DDAH1: variants seen among roughly 807,000 people sequenced by gnomAD.
DDAH1 encodes the protein N(G),N(G)-dimethylarginine dimethylaminohydrolase 1.
DDAH1 carries 19 observed loss-of-function variants against 28.8 expected under a neutral mutation model. The ratio of observed to expected loss-of-function variants is 0.66; its 90% CI spans 0.46 to 0.97. DDAH1 has a LOEUF of 0.97. Ranked by LOEUF, DDAH1 falls within the 50% of genes least tolerant of loss-of-function variation. The probability of loss-of-function intolerance (pLI) is 0.00; values close to 1 mark genes in which losing one functional copy is unlikely to be tolerated. For synonymous variants in DDAH1, 153 were observed against 154.4 expected (o/e 0.99, Z 0.07); for missense variants, 326 against 375.9 (o/e 0.87, Z 1.10).
intron 2 of DDAH1, among the ~76,000 whole-genome samples, chr1:85,481,518 T>C (rs1437236767): frequency 1.3e-5 from 2 of 152,254 alleles, no homozygotes; most frequent in Non-Finnish European, 2.9e-5. Context: ...ACTACCCATG[T>C]GAATGATATC....
chr1:85,561,164 G>T (rs1659129467), intron 1 of DDAH1, among the ~76,000 whole-genome samples: 1 of 152,020 alleles, frequency 6.6e-6, no homozygotes, highest in Non-Finnish European at 1.5e-5. Flanking sequence ...CTGTGAGCAT[G>T]TTACTTCATA....
chr1:85,406,474 A>G (rs1474531665), intron 1 of DDAH1, among the ~76,000 whole-genome samples: 2 of 152,226 alleles, frequency 1.3e-5, no homozygotes, highest in Non-Finnish European at 2.9e-5. Flanking sequence ...TGAAATCATC[A>G]TGAAGTCCAA....
rs372636445 is a variant in DDAH1, at chr1:85,372,354, G to A, written c.304-13507C>T. Among the ~76,000 whole-genome samples, 21 of 152,156 alleles carry A rather than the reference G, an allele frequency of 1.4e-4. No individual in the cohort carries two copies. The East Asian group carries it at 1.7e-3, about 13-fold the overall frequency. On this transcript the variant is annotated intron_variant, in intron 1 of 5. Transcript: ENST00000284031. ...TTGTCCTAGGTTTTGATAACTGTCC[G>A]TGTTCTAACATTGTGTTAAAAAATA... is the stretch of plus-strand genomic sequence containing the variant.
At chr1:85,420,344 C>A (rs1359551823) in intron 1 of DDAH1, among the ~76,000 whole-genome samples, 3 of 152,216 alleles carry the variant, frequency 2.0e-5, no homozygotes, top group Non-Finnish European at 4.4e-5. Context: ...TGCAAATTTT[C>A]CAAACTCTTA....
At chr1:85,333,572 A>T (rs2100806196) in intron 4 of DDAH1, among the ~76,000 whole-genome samples, 1 of 152,288 alleles carries the variant, frequency 6.6e-6, no homozygotes, top group Non-Finnish European at 1.5e-5. Flanking sequence ...GATAAACAAT[A>T]AAAAGAAATT....
At chr1:85,326,530 GC>G (rs1647406376) in intron 4 of DDAH1, among the ~76,000 whole-genome samples, 1 of 152,146 alleles carries the variant, frequency 6.6e-6, no homozygotes, top group Admixed American at 6.5e-5. Context: ...CCAGATCTGT[GC>G]AACTCAAAAC....
At chr1:85,555,332 A>T (rs1658929733) in intron 1 of DDAH1, among the ~76,000 whole-genome samples, 1 of 152,276 alleles carries the variant, frequency 6.6e-6, no homozygotes. Flanking sequence ...ATCGTCTGTC[A>T]GCCAAGTGTC....
intron 1 of DDAH1, among the ~76,000 whole-genome samples, chr1:85,512,315 A>T (rs1342019289): frequency 1.3e-5 from 2 of 152,078 alleles, no homozygotes; most frequent in Non-Finnish European, 2.9e-5. Context: ...CATGCTAAAA[A>T]CTCTCAATAA....
chr1:85,326,983 GAATA>G (rs1647444452), intron 4 of DDAH1, among the ~76,000 whole-genome samples: 1 of 152,150 alleles, frequency 6.6e-6, no homozygotes, highest in Non-Finnish European at 1.5e-5. Context: ...ACGCTTGAGA[GAATA>G]AAAAAACAGA....
intron 1 of DDAH1, among the ~76,000 whole-genome samples, chr1:85,396,381 C>T (rs990136999): frequency 1.3e-5 from 2 of 152,140 alleles, no homozygotes; most frequent in Admixed American, 6.6e-5. Context: ...ACAGAGATCA[C>T]ATGGCCACAG....
At chr1:85,473,591 C>T (rs1011034907) in intron 2 of DDAH1, among the ~76,000 whole-genome samples, 9 of 151,726 alleles carry the variant, frequency 5.9e-5, no homozygotes, top group African/African-American at 2.2e-4. Flanking sequence ...ATGCCAGTTT[C>T]GCAATGCCAG....
intron 4 of DDAH1, among the ~76,000 whole-genome samples, chr1:85,332,125 T>C (rs1307541352): frequency 6.6e-6 from 1 of 152,190 alleles, no homozygotes; most frequent in East Asian, 1.9e-4. Flanking sequence ...TCGGGTCCCA[T>C]GTACCCACTT....
At chr1:85,423,433 G>A (rs759854802) in intron 1 of DDAH1, among the ~76,000 whole-genome samples, 13 of 152,094 alleles carry the variant, frequency 8.5e-5, no homozygotes, top group Non-Finnish European at 1.9e-4. Flanking sequence ...CAAGTTTTAT[G>A]GTTTTCCACA....
intron 1 of DDAH1, among the ~76,000 whole-genome samples, chr1:85,546,703 G>A (rs184668256): frequency 2.0e-5 from 3 of 152,194 alleles, no homozygotes; most frequent in Non-Finnish European, 2.9e-5. Flanking sequence ...CTTATGATTT[G>A]TAAGAGGTGG....
intron 1 of DDAH1, among the ~76,000 whole-genome samples, chr1:85,521,151 C>G (rs1206451592): frequency 6.6e-6 from 1 of 152,036 alleles, no homozygotes; most frequent in Non-Finnish European, 1.5e-5. Flanking sequence ...TAATGTCCGG[C>G]TATTCATCAT....
chr1:85,404,549 GAA>G, intron 1 of DDAH1: 1 of 1,290,460 alleles, frequency 7.7e-7, no homozygotes, highest in Non-Finnish European at 9.9e-7. Flanking sequence ...GCTCCAGACA[GAA>G]AAAAAAATAG....
At chr1:85,577,931 A>C in intron 1 of DDAH1, 1 of 981,250 alleles carries the variant, frequency 1.0e-6, no homozygotes, top group Non-Finnish European at 1.2e-6. Context: ...GGGAGGGTGA[A>C]GGAGAAACTA....
chr1:85,562,955 A>G (rs1659181378), intron 1 of DDAH1, among the ~76,000 whole-genome samples: 1 of 152,258 alleles, frequency 6.6e-6, no homozygotes, highest in Admixed American at 6.5e-5. Flanking sequence ...GAAACAAATA[A>G]TAAAACTGGA....
intron 1 of DDAH1, among the ~76,000 whole-genome samples, chr1:85,359,990 G>C (rs970715970): frequency 6.6e-6 from 1 of 152,148 alleles, no homozygotes; most frequent in African/African-American, 2.4e-5. Context: ...GGATAGTAAA[G>C]ACATACAATG....
Sources: allele counts gnomAD v4.1 joint callset (sites outside exome capture counted in the v4.1 genomes callset), GRCh38; gene constraint gnomAD v4.1.1; transcripts MANE v1.5; gene names NCBI Gene and HGNC (gene_info 2026-07-23, HGNC 2026-07-21).